The following NPSR1 variants were observed in gnomAD, a reference collection of about 807,000 sequenced individuals.
The protein encoded by NPSR1 is neuropeptide S receptor.
In NPSR1, 48 loss-of-function variants were observed where a neutral mutation model predicts 46.9. The observed-to-expected ratio is 1.02, with a 90% confidence interval of 0.81 to 1.30. NPSR1 has a LOEUF of 1.30. Among genes scored for constraint, NPSR1 ranks in the 50% most tolerant of loss-of-function variants. The probability of loss-of-function intolerance (pLI) is 0.00; values close to 1 mark genes in which losing one functional copy is unlikely to be tolerated. For missense variants in NPSR1, 450 were observed against 449.5 expected (o/e 1.00, Z -0.01); for synonymous variants, 176 against 168.1 (o/e 1.05, Z -0.36).
intron 2 of NPSR1, among the ~76,000 whole-genome samples, chr7:34,753,176 G>A (rs1252507711): frequency 6.6e-6 from 1 of 152,108 alleles, no homozygotes; most frequent in Non-Finnish European, 1.5e-5. Context: ...CACAGAGTGG[G>A]TGGAGCTTGT....
intron 2 of NPSR1, among the ~76,000 whole-genome samples, chr7:34,773,065 A>G (rs1034554111): frequency 6.6e-6 from 1 of 152,146 alleles, no homozygotes; most frequent in African/African-American, 2.4e-5. Flanking sequence ...GTGCAGATGA[A>G]GAAGTGCAAA....
intron 2 of NPSR1, among the ~76,000 whole-genome samples, chr7:34,732,663 C>T (rs574107196): frequency 6.6e-6 from 1 of 152,272 alleles, no homozygotes; most frequent in Non-Finnish European, 1.5e-5. Context: ...AGCTCTATGA[C>T]ATTTCATTAA....
intron 8 of NPSR1, among the ~76,000 whole-genome samples, chr7:34,862,326 T>G (rs1409885868): frequency 1.3e-5 from 2 of 151,754 alleles, no homozygotes; most frequent in African/African-American, 4.9e-5. Context: ...TGTCCTCAGT[T>G]GCATGGAGCT....
intron 8 of NPSR1, among the ~76,000 whole-genome samples, chr7:34,863,778 G>T (rs1270718597): frequency 6.6e-6 from 1 of 151,768 alleles, no homozygotes; most frequent in African/African-American, 2.4e-5. Context: ...ACTTTGGTGG[G>T]AGTGTAAATT....
chr7:34,811,987 C>A, intron 4 of NPSR1, 124 bp downstream of exon 4: 1 of 647,120 alleles, frequency 1.5e-6, no homozygotes, highest in Non-Finnish European at 2.7e-6. Flanking sequence ...TCTTTCTTCT[C>A]TCTTCATTCT....
chr7:34,697,073 T>C lies in NPSR1; in HGVS notation c.280+12389T>C, dbSNP rs547481462. ...TTGAGGCTGGGGGTGGGTTGAGATG[T>C]ATAGATGTACAAAATTGATATTGAT... On this transcript the variant is annotated intron_variant, in intron 2 of 8. Transcript: ENST00000360581. Among the ~76,000 whole-genome samples, 9 of 152,100 alleles carry C rather than the reference T, an allele frequency of 5.9e-5. 1 individual carries two copies. The highest frequency in any genetic ancestry group is 5.8e-4 in the East Asian group (3 of 5,184).
chr7:34,740,383 A>T (rs1437212648), intron 2 of NPSR1, among the ~76,000 whole-genome samples: 3 of 151,428 alleles, frequency 2.0e-5, no homozygotes, highest in Admixed American at 6.6e-5. Flanking sequence ...TGGAGTCTGC[A>T]TACCAGATAC....
intron 5 of NPSR1, among the ~76,000 whole-genome samples, chr7:34,829,719 TCTC>T (rs1790028558): frequency 6.6e-6 from 1 of 152,204 alleles, no homozygotes; most frequent in Non-Finnish European, 1.5e-5. Context: ...CACCAGGACT[TCTC>T]CTCAAACTTG....
At chr7:34,727,728 A>G (rs1458115238) in intron 2 of NPSR1, among the ~76,000 whole-genome samples, 1 of 152,218 alleles carries the variant, frequency 6.6e-6, no homozygotes, top group Admixed American at 6.5e-5. Flanking sequence ...TCAATCTCAC[A>G]GATCATTTTT....
chr7:34,841,320 G>C (rs1407255144), intron 6 of NPSR1, among the ~76,000 whole-genome samples: 1 of 152,192 alleles, frequency 6.6e-6, no homozygotes, highest in Non-Finnish European at 1.5e-5. Flanking sequence ...GGTTCCCAGT[G>C]GCTCTGTAAG....
At chr7:34,833,973 C>A (rs1355125239) in intron 5 of NPSR1, among the ~76,000 whole-genome samples, 1 of 152,126 alleles carries the variant, frequency 6.6e-6, no homozygotes, top group African/African-American at 2.4e-5. Context: ...GGGTGAGGAT[C>A]AACAAAGCCA....
At chr7:34,774,796 T>C (rs184353385) in intron 2 of NPSR1, among the ~76,000 whole-genome samples, 1 of 152,304 alleles carries the variant, frequency 6.6e-6, no homozygotes, top group Non-Finnish European at 1.5e-5. Context: ...TCTTGCTTTC[T>C]TGCTCCAGGC....
intron 1 of NPSR1, among the ~76,000 whole-genome samples, chr7:34,659,873 C>T (rs1791369520): frequency 6.6e-6 from 1 of 152,162 alleles, no homozygotes; most frequent in Non-Finnish European, 1.5e-5. Context: ...GGACTCCACT[C>T]AGTATTGCTG....
chr7:34,825,236 T>C (rs949949341), intron 4 of NPSR1, among the ~76,000 whole-genome samples: 1 of 152,230 alleles, frequency 6.6e-6, no homozygotes, highest in African/African-American at 2.4e-5. Flanking sequence ...CAGTCTAGAC[T>C]ACCTTCTACA....
chr7:34,849,799 T>C lies in NPSR1; in HGVS notation c.*144T>C. 6.8e-7 allele frequency: 1 copy of C among 1,471,302 alleles called. No homozygotes were observed. The highest frequency in any genetic ancestry group is 1.4e-5 in the South Asian group (1 of 71,590). The allele number at this position is 1,471,302 out of a possible 1,614,324, so 91.1% of individuals were successfully genotyped here. ...GAGATGCACAAGACAAATGTTCTAA[T>C]GACTGCATGCACTGCTTAAGTATTG... On this transcript the variant is annotated 3_prime_UTR_variant, in exon 9 of 9. Coordinates refer to ENST00000360581, the MANE Select transcript of NPSR1 (RefSeq NM_207172.2).
At chr7:34,829,677 A>G (rs373522388) in intron 5 of NPSR1, among the ~76,000 whole-genome samples, 15 of 152,178 alleles carry the variant, frequency 9.9e-5, no homozygotes, top group African/African-American at 3.4e-4. Context: ...TCCTGTATCT[A>G]TGATTTCCCC....
intron 8 of NPSR1, among the ~76,000 whole-genome samples, chr7:34,873,065 T>C (rs546144171): frequency 1.3e-5 from 2 of 151,860 alleles, no homozygotes; most frequent in African/African-American, 4.9e-5. Context: ...CAAACTTCTA[T>C]AGAGCCTTAG....
intron 2 of NPSR1, among the ~76,000 whole-genome samples, chr7:34,756,532 A>G (rs999329282): frequency 6.6e-6 from 1 of 152,166 alleles, no homozygotes; most frequent in African/African-American, 2.4e-5. Flanking sequence ...TGTGTCAACT[A>G]CCCAACTCTG....
intron 3 of NPSR1, among the ~76,000 whole-genome samples, chr7:34,793,076 T>C (rs1329713238): frequency 1.3e-5 from 2 of 151,550 alleles, no homozygotes; most frequent in Non-Finnish European, 1.5e-5. Flanking sequence ...TTAGTAGTCC[T>C]AGCTACATGG....
Sources: gnomAD v4.1 joint callset for allele counts (sites outside exome capture counted in the v4.1 genomes callset) on GRCh38, gnomAD v4.1.1 for gene constraint, MANE v1.5 for transcripts, NCBI Gene and HGNC (gene_info 2026-07-23, HGNC 2026-07-21) for gene names.